HHIPL1: variants seen among roughly 807,000 people sequenced by gnomAD.
HHIPL1 encodes HHIP like 1.
HHIPL1 carries 43 observed loss-of-function variants against 61.8 expected under a neutral mutation model. The observed-to-expected ratio is 0.70, with a 90% CI of 0.55 to 0.90. The LOEUF (loss-of-function observed/expected upper bound fraction) is 0.90, where lower values mean the gene tolerates loss of function less well. Among genes scored for constraint, HHIPL1 ranks in the 40% least tolerant of loss-of-function variants. HHIPL1 has a pLI of 0.00. For missense variants in HHIPL1, 1,056 were observed against 1,157.7 expected, an observed-to-expected ratio of 0.91 and a Z score of 1.28; for synonymous variants, 482 against 515.8, an observed-to-expected ratio of 0.93 and a Z score of 0.89.
At chr14:99,662,023 CCT>C (rs2056160935) in intron 5 of HHIPL1, among the ~76,000 whole-genome samples, 1 of 152,116 alleles carries the variant, frequency 6.6e-6, no homozygotes. Context: ...TGTTTTTACC[CCT>C]GATTCTCCTT....
At chr14:99,616,554 G>A in the HHIPL1 span, among the ~76,000 whole-genome samples, 3 of 152,288 alleles carry the variant, frequency 2.0e-5, no homozygotes, top group East Asian at 5.8e-4. Flanking sequence ...AACAGTACAA[G>A]TGTGTTGTTT....
the HHIPL1 span, among the ~76,000 whole-genome samples, chr14:99,639,152 G>A: frequency 6.6e-5 from 10 of 152,206 alleles, no homozygotes; most frequent in East Asian, 1.9e-4. Context: ...GGTGGAGACC[G>A]GGGAACCGGG....
In HHIPL1 at chr14:99,652,463, G is replaced by C; in HGVS notation, c.495G>C (p.Lys165Asn). The C allele has an allele frequency of 6.2e-7, 1 of 1,614,076 alleles. No homozygotes were observed. The highest frequency in any genetic ancestry group is 8.5e-7 in the Non-Finnish European group (1 of 1,180,036). The change falls in exon 2 of 9, where the codon AAG (lysine) becomes AAC (asparagine). Residue 165 changes from lysine (K) to asparagine (N), a missense_variant. By Grantham distance (94) the Lys-to-Asn change is moderately conservative. Transcript: ENST00000330710. ...GCTTCCCTTACCTGCTGGTCAACAA[G>C]AACCTCAACTCAAACCTGGGCCACG... ...DYCFPYLLVNKNLNSNLGHVV... is the reference protein window; with the variant it reads ...DYCFPYLLVNNNLNSNLGHVV...
chr14:99,625,687 T>A, the HHIPL1 span: 1 of 152,196 alleles, frequency 6.6e-6, no homozygotes, highest in Non-Finnish European at 1.5e-5. Context: ...TGGAGGGCTC[T>A]GGTGATGGAT....
Position 99,675,438 on chromosome 14 carries a change from G to C in HHIPL1, c.2161G>C (p.Ala721Pro), listed in dbSNP as rs1424649927. The change falls in exon 9 of 9, where the codon GCC becomes CCC. Residue 721 changes from alanine to proline, a missense_variant. Ala to Pro is a conservative substitution (Grantham distance 27, BLOSUM62 -1). Coordinates refer to ENST00000330710, the MANE Select transcript of HHIPL1 (RefSeq NM_001127258.3). This position sits in a 1 kb window ranked among gnomAD's most constrained non-coding sequence, Gnocchi z 5.4. ...GTGTCGCCAGCTGGGGTTTGCCTAC[G>C]CCGTGCGCGCCGTCAAGAGAGCCGA... ...VVCRQLGFAYAVRAVKRAEFG... is the reference protein window; with the variant it reads ...VVCRQLGFAYPVRAVKRAEFG... 1 of 1,537,176 alleles carries C rather than the reference G, an allele frequency of 6.5e-7. No individual in the cohort carries two copies. The highest frequency in any genetic ancestry group is 8.7e-7 in the Non-Finnish European group (1 of 1,145,376).
At chr14:99,614,230 G>A in the HHIPL1 span, among the ~76,000 whole-genome samples, 12 of 152,252 alleles carry the variant, frequency 7.9e-5, no homozygotes, top group African/African-American at 1.7e-4. Context: ...TGCTCTCCTC[G>A]AGAAAGGGCT....
At chr14:99,638,352 G>C in the HHIPL1 span, among the ~76,000 whole-genome samples, 3 of 152,212 alleles carry the variant, frequency 2.0e-5, no homozygotes, top group Non-Finnish European at 4.4e-5. Flanking sequence ...CGGCCTGTCG[G>C]GGAAGAGGCT....
chr14:99,639,991 CTA>C, the HHIPL1 span, among the ~76,000 whole-genome samples: 1 of 152,146 alleles, frequency 6.6e-6, no homozygotes, highest in African/African-American at 2.4e-5. Context: ...CTCTGACAAT[CTA>C]TGTCTTTTAA....
the HHIPL1 span, among the ~76,000 whole-genome samples, chr14:99,637,199 A>G: frequency 9.7e-6 from 1 of 103,414 alleles, no homozygotes; most frequent in African/African-American, 3.5e-5. Context: ...GAAGAAAGAA[A>G]GGAAGAAAGA....
rs142581926 is a variant in HHIPL1, at chr14:99,652,549, G to A, written c.581G>A (p.Arg194His). 619 of 1,612,870 alleles carry A rather than the reference G, an allele frequency of 3.8e-4. 1 individual carries two copies. The highest frequency in any genetic ancestry group is 3.6e-4 in the Non-Finnish European group (423 of 1,179,974). ...CTGGAGGAGGTGGCCAACGGGCTGCGCAACCCCGTGGCCATGGTCCATGCC... is the reference window on the plus strand; with the variant it reads ...CTGGAGGAGGTGGCCAACGGGCTGCACAACCCCGTGGCCATGGTCCATGCC... Reference protein sequence around the residue: ...LCLEEVANGLRNPVAMVHARD... With the variant: ...LCLEEVANGLHNPVAMVHARD... Residue 194 changes from arginine (R) to histidine (H), a missense_variant, in exon 2 of 9, where the codon CGC becomes CAC. Physicochemically the swap from Arg to His is conservative, Grantham distance 29. Transcript: ENST00000330710.
At chr14:99,656,819 GAAA>G in intron 2 of HHIPL1, among the ~76,000 whole-genome samples, 178 bp from the exon 3 acceptor site, 3 of 3,912 alleles carry the variant, frequency 7.7e-4, no homozygotes, top group African/African-American at 1.0e-3. Flanking sequence ...AAGAAAGAAA[GAAA>G]GAAAGAAAGA....
At chr14:99,620,259 G>C in the HHIPL1 span, among the ~76,000 whole-genome samples, 1 of 152,246 alleles carries the variant, frequency 6.6e-6, no homozygotes, top group Admixed American at 6.5e-5. Context: ...AGCTTTGGGA[G>C]AGGGCAGAAA....
At chr14:99,633,568 A>G in the HHIPL1 span, among the ~76,000 whole-genome samples, 5 of 152,154 alleles carry the variant, frequency 3.3e-5, no homozygotes, top group South Asian at 2.1e-4. Flanking sequence ...GCAAATCACA[A>G]TTGGATTTGC....
rs560540606 is a variant in HHIPL1, at chr14:99,664,947, T to C, written c.1648+1926T>C. Among the ~76,000 whole-genome samples the C allele has an allele frequency of 1.4e-3, 202 of 149,600 alleles. 4 individuals carry two copies. The East Asian group carries it at 0.036, about 27-fold the overall frequency. On this transcript the variant is annotated intron_variant, in intron 6 of 8. Coordinates refer to ENST00000330710, the MANE Select transcript of HHIPL1 (RefSeq NM_001127258.3). ...TTTTTTTTCCAAGACTGAGCTTCGC[T>C]CTTGTTGCCCAGGCTGGAGTGAAGT...
chr14:99,630,513 AT>A, the HHIPL1 span, among the ~76,000 whole-genome samples: 7 of 152,128 alleles, frequency 4.6e-5, no homozygotes, highest in Non-Finnish European at 2.9e-5. Flanking sequence ...CATCTATAAG[AT>A]GGGGGTTAAT....
At chr14:99,620,956 A>G in the HHIPL1 span, among the ~76,000 whole-genome samples, 2 of 152,232 alleles carry the variant, frequency 1.3e-5, no homozygotes, top group African/African-American at 2.4e-5. Context: ...GCCCTGTCCC[A>G]GGCTCAAGGT....
rs778553751 is a variant in HHIPL1, at chr14:99,652,491, G to A, written c.523G>A (p.Val175Ile). The A allele has an allele frequency of 3.1e-6, 5 of 1,613,688 alleles. No homozygotes were observed. Among genetic ancestry groups the A allele is most frequent in the Non-Finnish European group, 4.2e-6 (5 of 1,180,014 alleles). The part of the protein sequence containing the change: ...KNLNSNLGHV[V>I]ADAKGCLQLC... ...CCTCAACTCAAACCTGGGCCACGTGGTAGCCGATGCCAAGGGCTGCCTGCA... is the reference window on the plus strand; with the variant it reads ...CCTCAACTCAAACCTGGGCCACGTGATAGCCGATGCCAAGGGCTGCCTGCA... The change falls in exon 2 of 9, where the codon GTA (valine) becomes ATA (isoleucine). Residue 175 changes from valine to isoleucine, a missense_variant. Physicochemically the swap from Val to Ile is conservative, Grantham distance 29. Transcript: ENST00000330710.
the HHIPL1 span, among the ~76,000 whole-genome samples, chr14:99,621,949 T>G: frequency 5.3e-5 from 8 of 151,870 alleles, no homozygotes; most frequent in Non-Finnish European, 1.2e-4. Context: ...TCTCCTGACC[T>G]CGTGATCCGC....
chr14:99,644,697 A>AC (rs2055798378), upstream of HHIPL1, among the ~76,000 whole-genome samples: 1 of 151,786 alleles, frequency 6.6e-6, no homozygotes, highest in Non-Finnish European at 1.5e-5. Context: ...CTCCCTCCCC[A>AC]CCCCTACGCC....
Sources: allele counts gnomAD v4.1 joint callset (sites outside exome capture counted in the v4.1 genomes callset), GRCh38; gene constraint gnomAD v4.1.1; non-coding constraint Gnocchi (gnomAD v3.1); transcripts MANE v1.5; gene names NCBI Gene and HGNC (gene_info 2026-07-23, HGNC 2026-07-21).